Variants in TTC17 observed in about 807,000 individuals in gnomAD.
TTC17 encodes tetratricopeptide repeat protein 17.
TTC17 carries 58 observed loss-of-function variants against 143.8 expected under a neutral mutation model. The ratio of observed to expected loss-of-function variants is 0.40; its 90% CI spans 0.33 to 0.50. The LOEUF (loss-of-function observed/expected upper bound fraction) is 0.50. TTC17 is among the 20% of genes least tolerant of loss of function. TTC17 has a pLI of 0.49. For synonymous variants in TTC17, 501 were observed against 497.8 expected (o/e 1.01, Z -0.09); for missense variants, 1,273 against 1,392.5 (o/e 0.91, Z 1.37).
chr11:43,397,305 A>G (rs774988021), intron 6 of TTC17, 42 bp from the exon 7 acceptor site: 4 of 1,561,802 alleles, frequency 2.6e-6, no homozygotes, highest in East Asian at 2.3e-5. Context: ...TTCCTTGTCA[A>G]GTGGTTCTAC....
chr11:43,365,558 A>G (rs375344020), intron 1 of TTC17, among the ~76,000 whole-genome samples: 1 of 152,188 alleles, frequency 6.6e-6, no homozygotes, highest in Non-Finnish European at 1.5e-5. Context: ...ATGAGCCGCC[A>G]TGCCTGGCCA....
intron 21 of TTC17, among the ~76,000 whole-genome samples, chr11:43,476,554 T>C (rs1423959485): frequency 1.3e-5 from 2 of 152,210 alleles, no homozygotes; most frequent in Non-Finnish European, 2.9e-5. Context: ...AATTCTTGAC[T>C]TCTGTGCACC....
At chr11:43,445,340 A>C (rs1042584704) in intron 18 of TTC17, among the ~76,000 whole-genome samples, 1 of 152,190 alleles carries the variant, frequency 6.6e-6, no homozygotes, top group Non-Finnish European at 1.5e-5. Context: ...GCAGCATCTT[A>C]GATTTGATGA....
chr11:43,417,365 G>A (rs1036220904), intron 16 of TTC17, among the ~76,000 whole-genome samples: 11 of 151,960 alleles, frequency 7.2e-5, no homozygotes, highest in African/African-American at 2.4e-4. Flanking sequence ...TCTGTTTGCC[G>A]TTTCCTTTTT....
chr11:43,417,500 A>C (rs916562781), intron 16 of TTC17, among the ~76,000 whole-genome samples: 4 of 152,190 alleles, frequency 2.6e-5, no homozygotes, highest in African/African-American at 9.7e-5. Flanking sequence ...TCCATGTAAT[A>C]GTCATGGAAT....
Position 43,494,107 on chromosome 11 carries a change from C to T in TTC17, c.*203C>T. 1 of 568,452 alleles carries T rather than the reference C, an allele frequency of 1.8e-6. No homozygotes were observed. Among genetic ancestry groups the T allele is most frequent in the East Asian group, 3.3e-5 (1 of 30,206 alleles). The allele number at this position is 568,452 out of a possible 1,614,324, so 35.2% of individuals were successfully genotyped here. On this transcript the variant is annotated 3_prime_UTR_variant, in exon 24 of 24. Coordinates refer to ENST00000039989, the MANE Select transcript of TTC17 (RefSeq NM_018259.6). Reference sequence around the variant, plus strand: ...CCCCAACCAACCTCAGAAGAGGCACCTTCAGAAACACACATTTCTTAAAAG... The same window carrying T: ...CCCCAACCAACCTCAGAAGAGGCACTTTCAGAAACACACATTTCTTAAAAG...
Position 43,359,241 on chromosome 11 carries a change from G to C in TTC17, c.159+128G>C, listed in dbSNP as rs1855992037. 2.5e-6 allele frequency: 3 copies of C among 1,210,088 alleles called. No individual in the cohort carries two copies. In the African/African-American group the frequency reaches 4.9e-5, roughly 20 times the overall value. 75.0% of individuals were successfully genotyped at this position (1,210,088 alleles called of 1,614,324 possible). On this transcript the variant is annotated intron_variant, in intron 1 of 23. Coordinates refer to ENST00000039989, the MANE Select transcript of TTC17 (RefSeq NM_018259.6). Reference sequence around the variant, plus strand: ...CCTACCCTCACAGGGAGGTGGCACCGCGACCTCGGACTCCCTGCATTCGGA... The same window carrying C: ...CCTACCCTCACAGGGAGGTGGCACCCCGACCTCGGACTCCCTGCATTCGGA...
At chr11:43,387,213 T>G (rs1186807753) in intron 2 of TTC17, among the ~76,000 whole-genome samples, 1 of 152,216 alleles carries the variant, frequency 6.6e-6, no homozygotes, top group Non-Finnish European at 1.5e-5. Flanking sequence ...ATTCTATTGG[T>G]TGATATAGTC....
intron 23 of TTC17, 35 bp from the exon 24 acceptor site, chr11:43,493,738 C>A: frequency 6.2e-7 from 1 of 1,613,708 alleles, no homozygotes; most frequent in Non-Finnish European, 8.5e-7. Flanking sequence ...TCTGCTGGTG[C>A]CATCCCCTCA....
intron 3 of TTC17, among the ~76,000 whole-genome samples, chr11:43,390,578 T>C (rs1357157539): frequency 7.2e-6 from 1 of 137,958 alleles, no homozygotes; most frequent in African/African-American, 2.5e-5. Context: ...ATGGCACCAC[T>C]GCACTCCAGC....
At chr11:43,446,058 C>T (rs1170637453) in intron 18 of TTC17, 1 of 1,518,758 alleles carries the variant, frequency 6.6e-7, no homozygotes, top group African/African-American at 1.4e-5. Flanking sequence ...TGAAGCCTTC[C>T]CATTGCCTAC....
chr11:43,448,978 C>G (rs961761456), intron 19 of TTC17: 1 of 152,228 alleles, frequency 6.6e-6, no homozygotes, highest in Non-Finnish European at 1.5e-5. Flanking sequence ...AGCACTTTTA[C>G]TCCCTGAGTA....
chr11:43,372,295 T>TA (rs1287616818), intron 1 of TTC17, among the ~76,000 whole-genome samples: 2 of 150,970 alleles, frequency 1.3e-5, no homozygotes, highest in Non-Finnish European at 1.5e-5. Flanking sequence ...GATAGCTGTC[T>TA]AAAAAGGTTC....
intron 21 of TTC17, among the ~76,000 whole-genome samples, chr11:43,463,632 T>C (rs947367568): frequency 2.0e-5 from 3 of 152,194 alleles, no homozygotes; most frequent in Non-Finnish European, 4.4e-5. Context: ...ATCAGTTCTC[T>C]TAAGTTAGTT....
At chr11:43,475,078 G>A (rs143915619) in intron 21 of TTC17, among the ~76,000 whole-genome samples, 1,803 of 152,212 alleles carry the variant, frequency 0.012, 18 homozygotes, top group South Asian at 0.016. Flanking sequence ...AAAAAAATCC[G>A]TGTGTAAGTG....
chr11:43,393,116 G>A (rs918095810), intron 5 of TTC17, among the ~76,000 whole-genome samples: 2 of 152,032 alleles, frequency 1.3e-5, no homozygotes, highest in African/African-American at 2.4e-5. Context: ...CGACTAATTC[G>A]GTAGTTCTCC....
At chr11:43,463,518 T>TA (rs1450315021) in intron 21 of TTC17, among the ~76,000 whole-genome samples, 21 of 152,010 alleles carry the variant, frequency 1.4e-4, no homozygotes, top group Non-Finnish European at 2.5e-4. Flanking sequence ...ATTTTTTTTT[T>TA]AATCTCCAAA....
intron 21 of TTC17, among the ~76,000 whole-genome samples, chr11:43,478,488 T>A (rs1052098041): frequency 1.4e-4 from 22 of 152,328 alleles, no homozygotes; most frequent in Admixed American, 6.5e-4. Context: ...TTGTATGAAA[T>A]CTGGAATTTG....
intron 11 of TTC17, among the ~76,000 whole-genome samples, chr11:43,405,091 T>C (rs1385614258): frequency 1.4e-5 from 2 of 147,778 alleles, no homozygotes. Flanking sequence ...ATTTCTTCTT[T>C]TTCTTTTTTT....
Sources: allele counts gnomAD v4.1 joint callset (sites outside exome capture counted in the v4.1 genomes callset), GRCh38; gene constraint gnomAD v4.1.1; transcripts MANE v1.5; gene names NCBI Gene and HGNC (gene_info 2026-07-23, HGNC 2026-07-21).